The following TBC1D1 variants were observed in gnomAD, a reference collection of about 807,000 sequenced individuals.
The protein encoded by TBC1D1 is TBC1 domain family member 1.
A neutral mutation model predicts 125.6 loss-of-function variants in TBC1D1; 89 were observed. The ratio of observed to expected loss-of-function variants is 0.71; its 90% confidence interval spans 0.60 to 0.85. The LOEUF (loss-of-function observed/expected upper bound fraction) is 0.85. Among genes scored for constraint, TBC1D1 ranks in the 40% least tolerant of loss-of-function variants. The pLI is 0.00. For missense variants in TBC1D1, 1,377 were observed against 1,469.2 expected (o/e 0.94, Z 1.03); for synonymous variants, 565 against 564.1 (o/e 1.00, Z -0.02).
At chr4:37,940,430 C>T (rs558293905) in intron 2 of TBC1D1, among the ~76,000 whole-genome samples, 88 of 152,234 alleles carry the variant, frequency 5.8e-4, no homozygotes, top group African/African-American at 1.9e-3. Flanking sequence ...TGGGCTGAGA[C>T]GATGGGGTTA....
At chr4:38,129,088 C>T (rs571329700) in intron 18 of TBC1D1, among the ~76,000 whole-genome samples, 1 of 152,188 alleles carries the variant, frequency 6.6e-6, no homozygotes, top group Non-Finnish European at 1.5e-5. Context: ...ACACCCGAGA[C>T]CTGCTGAATC....
intron 12 of TBC1D1, among the ~76,000 whole-genome samples, chr4:38,079,328 G>A (rs1244432189): frequency 6.8e-6 from 1 of 147,866 alleles, no homozygotes; most frequent in East Asian, 2.4e-4. Flanking sequence ...AGCAGGGAGC[G>A]GCCCCTTAAT....
intron 6 of TBC1D1, among the ~76,000 whole-genome samples, chr4:38,023,822 G>T (rs915793765): frequency 6.6e-6 from 1 of 152,094 alleles, no homozygotes; most frequent in Non-Finnish European, 1.5e-5. Flanking sequence ...AATTCTTTCG[G>T]TTATATATCC....
chr4:37,957,890 T>C (rs1729225622), intron 2 of TBC1D1, among the ~76,000 whole-genome samples: 1 of 152,248 alleles, frequency 6.6e-6, no homozygotes, highest in Non-Finnish European at 1.5e-5. Flanking sequence ...CAACAGATGA[T>C]AGTTTTTCAT....
At position 37,900,888 on chromosome 4, in the gene TBC1D1, A is replaced by G. The variant is rs187412593; in HGVS notation, c.-93-1115A>G. On this transcript the variant is annotated intron_variant, in intron 1 of 19. Coordinates refer to ENST00000261439, the MANE Select transcript of TBC1D1 (RefSeq NM_015173.4). ...GGAGTTCGAGACCAGCCTGGCCAAC[A>G]TGGTGAAACCCCATCTCTACTAAAA... Among the ~76,000 whole-genome samples, 26 of 152,186 alleles carry G rather than the reference A, an allele frequency of 1.7e-4. 3 individuals are homozygous for G. Among genetic ancestry groups the G allele is most frequent in the African/African-American group, 6.0e-4 (25 of 41,562 alleles).
chr4:37,973,350 G>A (rs1732434741), intron 2 of TBC1D1, among the ~76,000 whole-genome samples: 1 of 152,180 alleles, frequency 6.6e-6, no homozygotes, highest in South Asian at 2.1e-4. Flanking sequence ...TCACCTGCCT[G>A]CATACGTTCC....
At chr4:37,921,109 C>CAAAAAA (rs1188232681) in intron 2 of TBC1D1, among the ~76,000 whole-genome samples, 23 of 71,982 alleles carry the variant, frequency 3.2e-4, no homozygotes, top group African/African-American at 8.7e-4. Context: ...GACTCCGTCT[C>CAAAAAA]AAAAAAAAAA....
At chr4:37,922,605 A>C (rs1322968297) in intron 2 of TBC1D1, among the ~76,000 whole-genome samples, 1 of 152,186 alleles carries the variant, frequency 6.6e-6, no homozygotes, top group Non-Finnish European at 1.5e-5. Flanking sequence ...GTTCCCACTC[A>C]TGACCTCTGC....
chr4:38,078,663 G>A (rs1756012420), intron 12 of TBC1D1, among the ~76,000 whole-genome samples: 1 of 152,208 alleles, frequency 6.6e-6, no homozygotes, highest in Non-Finnish European at 1.5e-5. Context: ...CTCTCTGCAA[G>A]TCAGGAAGAG....
chr4:37,958,383 G>GATGGT (rs1281785336), intron 2 of TBC1D1, among the ~76,000 whole-genome samples: 1 of 152,194 alleles, frequency 6.6e-6, no homozygotes, highest in Non-Finnish European at 1.5e-5. Flanking sequence ...TTTGTTCCAA[G>GATGGT]ATGGTGTACT....
chr4:38,096,620 G>A (rs1218375335), intron 14 of TBC1D1, among the ~76,000 whole-genome samples: 4 of 152,172 alleles, frequency 2.6e-5, no homozygotes, highest in Non-Finnish European at 5.9e-5. Flanking sequence ...CTGCTATACT[G>A]TAAGGCCTTA....
chr4:38,135,481 A>G (rs1766341045), intron 19 of TBC1D1, among the ~76,000 whole-genome samples: 1 of 152,256 alleles, frequency 6.6e-6, no homozygotes, highest in Admixed American at 6.5e-5. Flanking sequence ...CTATAAAAGC[A>G]TCGGTGTTAT....
chr4:37,914,119 C>G (rs1719211164), intron 2 of TBC1D1, among the ~76,000 whole-genome samples: 1 of 152,176 alleles, frequency 6.6e-6, no homozygotes, highest in Non-Finnish European at 1.5e-5. Context: ...CTACATTTCT[C>G]TTCTGGACAC....
intron 19 of TBC1D1, among the ~76,000 whole-genome samples, chr4:38,136,353 G>A (rs143539334): frequency 6.6e-6 from 1 of 152,120 alleles, no homozygotes; most frequent in African/African-American, 2.4e-5. Flanking sequence ...TCCATGGCTC[G>A]TAGTGAACAG....
chr4:38,096,389 T>C (rs1170891416), intron 14 of TBC1D1, among the ~76,000 whole-genome samples: 1 of 152,252 alleles, frequency 6.6e-6, no homozygotes, highest in Non-Finnish European at 1.5e-5. Flanking sequence ...AATTATAAAC[T>C]AGAAACTAAT....
rs753143566 is a variant in TBC1D1 at position 38,021,677 on chromosome 4, G to GC, written c.1174dup (p.Leu392ProfsTer9). On this transcript the variant is annotated frameshift_variant, in exon 6 of 20. Transcript: ENST00000261439. LOFTEE classifies it high-confidence loss of function. ...GCGCCAGCCCAGCTGTGTGAGGGCT[G>GC]CCCCCTGCAAAGCCTGCACAAGCTC... The GC allele has an allele frequency of 3.1e-6, 5 of 1,595,754 alleles. No homozygotes were observed. In the South Asian group the frequency reaches 5.7e-5, roughly 18 times the overall value.
intron 2 of TBC1D1, chr4:37,996,246 G>A (rs1737767300): frequency 1.1e-5 from 3 of 273,020 alleles, no homozygotes; most frequent in African/African-American, 4.4e-5. Flanking sequence ...CTGGCCAGTC[G>A]CCCGGGCTTT....
intron 2 of TBC1D1, among the ~76,000 whole-genome samples, chr4:37,951,429 G>T (rs1423030190): frequency 4.6e-5 from 7 of 152,094 alleles, no homozygotes; most frequent in Admixed American, 4.6e-4. Flanking sequence ...AAAATACATG[G>T]CCTCAGAATC....
intron 15 of TBC1D1, among the ~76,000 whole-genome samples, chr4:38,111,524 T>C (rs1267650808): frequency 1.3e-5 from 2 of 152,214 alleles, no homozygotes; most frequent in Admixed American, 6.5e-5. Flanking sequence ...AAAATAAAAT[T>C]AGTTAGAAAT....
Sources: gnomAD v4.1 joint callset for allele counts (sites outside exome capture counted in the v4.1 genomes callset) on GRCh38, gnomAD v4.1.1 for gene constraint, MANE v1.5 for transcripts, NCBI Gene and HGNC (gene_info 2026-07-23, HGNC 2026-07-21) for gene names.